PTPRD: variants seen among roughly 807,000 people sequenced by gnomAD.
The protein encoded by PTPRD is protein tyrosine phosphatase receptor type D, also known as receptor-type tyrosine-protein phosphatase delta.
PTPRD carries 34 observed loss-of-function variants against 214.5 expected under a neutral mutation model. The ratio of observed to expected loss-of-function variants is 0.16; its 90% CI spans 0.12 to 0.21. PTPRD has a LOEUF of 0.21. Ranked by LOEUF, PTPRD falls within the 10% of genes least tolerant of loss-of-function variation. The pLI is 1.00. For missense variants in PTPRD, 2,545 were observed against 2,398.7 expected (o/e 1.06, Z -1.27); for synonymous variants, 1,128 against 845.7 (o/e 1.33, Z -5.79).
Position 8,745,450 on chromosome 9 carries a change from G to T in PTPRD, c.-103-11504C>A, listed in dbSNP as rs145948595. 4.6e-3 allele frequency among the ~76,000 whole-genome samples: 700 copies of T among 152,260 alleles called. 3 individuals carry two copies. The highest frequency in any genetic ancestry group is 8.0e-3 in the Non-Finnish European group (544 of 68,026). On this transcript the variant is annotated intron_variant, in intron 11 of 45. Coordinates refer to ENST00000381196, the MANE Select transcript of PTPRD (RefSeq NM_002839.4). ...ACGAAAGGGGAAGGCAACCTTAAAG[G>T]CGGGGTATAGGAAGGCAGGATGAAA...
At chr9:9,792,609 T>G (rs544374493) in intron 5 of PTPRD, among the ~76,000 whole-genome samples, 1 of 152,166 alleles carries the variant, frequency 6.6e-6, no homozygotes, top group Admixed American at 6.5e-5. Flanking sequence ...AGATATTACA[T>G]ACATTGCTTC....
intron 10 of PTPRD, among the ~76,000 whole-genome samples, chr9:9,180,533 C>T (rs561265186): frequency 1.3e-4 from 19 of 151,562 alleles, no homozygotes; most frequent in African/African-American, 4.6e-4. Context: ...ACCAACATGG[C>T]ACATGTATAC....
At chr9:8,681,522 A>T (rs2097549027) in intron 12 of PTPRD, among the ~76,000 whole-genome samples, 1 of 152,154 alleles carries the variant, frequency 6.6e-6, no homozygotes, top group Non-Finnish European at 1.5e-5. Flanking sequence ...CCATGTCTTT[A>T]AAAGCTTTTG....
intron 7 of PTPRD, among the ~76,000 whole-genome samples, chr9:9,646,823 T>C (rs188773859): frequency 1.0e-3 from 155 of 152,038 alleles, no homozygotes; most frequent in African/African-American, 3.7e-3. Context: ...TGAACAACAA[T>C]AACTAAGAAT....
At chr9:9,545,481 T>C (rs1165754686) in intron 8 of PTPRD, among the ~76,000 whole-genome samples, 2 of 151,946 alleles carry the variant, frequency 1.3e-5, no homozygotes, top group Non-Finnish European at 2.9e-5. Context: ...TTCTATTGTT[T>C]AGATGTGCCA....
chr9:9,644,948 T>C (rs1380181750), intron 7 of PTPRD, among the ~76,000 whole-genome samples: 1 of 152,194 alleles, frequency 6.6e-6, no homozygotes. Flanking sequence ...GTAACCTGAT[T>C]CTTCCTGGAT....
At chr9:8,989,748 C>G (rs1436455638) in intron 11 of PTPRD, among the ~76,000 whole-genome samples, 1 of 152,066 alleles carries the variant, frequency 6.6e-6, no homozygotes, top group East Asian at 1.9e-4. Flanking sequence ...GCGATTCTTA[C>G]TTATGTCTTT....
At chr9:9,773,831 C>T (rs1250168835) in intron 5 of PTPRD, among the ~76,000 whole-genome samples, 1 of 152,032 alleles carries the variant, frequency 6.6e-6, no homozygotes, top group African/African-American at 2.4e-5. Context: ...GTATACTCTA[C>T]CCACAGAAAT....
chr9:8,644,756 G>A (rs1030030348), intron 12 of PTPRD, among the ~76,000 whole-genome samples: 5 of 152,182 alleles, frequency 3.3e-5, no homozygotes, highest in Non-Finnish European at 5.9e-5. Context: ...CCGTGGCAGC[G>A]GCCAACATGT....
intron 11 of PTPRD, among the ~76,000 whole-genome samples, chr9:8,821,143 G>C (rs969283663): frequency 6.6e-6 from 1 of 152,098 alleles, no homozygotes; most frequent in African/African-American, 2.4e-5. Context: ...CCTCTTGATA[G>C]GTATTTTCTT....
intron 11 of PTPRD, among the ~76,000 whole-genome samples, chr9:8,950,773 A>G (rs1384882953): frequency 6.6e-6 from 1 of 151,696 alleles, no homozygotes; most frequent in East Asian, 1.9e-4. Context: ...TGAACCTTCC[A>G]GAAATGTGAA....
intron 19 of PTPRD, among the ~76,000 whole-genome samples, chr9:8,521,996 T>A (rs1407937708): frequency 6.6e-6 from 1 of 152,206 alleles, no homozygotes; most frequent in South Asian, 2.1e-4. Context: ...CCAGTTGATG[T>A]GAATGTAGGT....
chr9:10,030,777 A>C (rs1347702076), intron 4 of PTPRD, among the ~76,000 whole-genome samples: 2 of 152,178 alleles, frequency 1.3e-5, no homozygotes, highest in African/African-American at 4.8e-5. Context: ...TTTAGTGAAG[A>C]TACAAACCAG....
At chr9:9,425,523 CA>C (rs2080516164) in intron 8 of PTPRD, among the ~76,000 whole-genome samples, 1 of 148,622 alleles carries the variant, frequency 6.7e-6, no homozygotes, top group African/African-American at 2.5e-5. Flanking sequence ...AAAGTAATGG[CA>C]AAAATCACAA....
At chr9:8,401,130 G>A (rs868502103) in intron 36 of PTPRD, among the ~76,000 whole-genome samples, 22 of 151,448 alleles carry the variant, frequency 1.5e-4, no homozygotes, top group African/African-American at 5.3e-4. Context: ...CCAAGTATTA[G>A]CTTCCATTTG....
chr9:9,453,512 C>T (rs2092555391), intron 8 of PTPRD, among the ~76,000 whole-genome samples: 1 of 151,466 alleles, frequency 6.6e-6, no homozygotes, highest in South Asian at 2.1e-4. Context: ...TCAGAAGATT[C>T]AAGGTTGCCT....
At chr9:8,548,655 A>T (rs1256593438) in intron 14 of PTPRD, among the ~76,000 whole-genome samples, 2 of 130,830 alleles carry the variant, frequency 1.5e-5, no homozygotes, top group Admixed American at 8.5e-5. Flanking sequence ...GGTGTAAGCC[A>T]TTGCACCCAG....
intron 2 of PTPRD, among the ~76,000 whole-genome samples, chr9:10,387,585 C>T (rs1440327622): frequency 6.6e-6 from 1 of 151,724 alleles, no homozygotes; most frequent in Non-Finnish European, 1.5e-5. Flanking sequence ...AGGTCTTCTC[C>T]TCTTGCTCAA....
At chr9:8,446,842 AGAG>A (rs1028923366) in intron 34 of PTPRD, among the ~76,000 whole-genome samples, 3 of 152,324 alleles carry the variant, frequency 2.0e-5, no homozygotes, top group Admixed American at 1.3e-4. Flanking sequence ...TTCGTGAAAA[AGAG>A]GAGAAGAACA....
Sources: allele counts gnomAD v4.1 joint callset (sites outside exome capture counted in the v4.1 genomes callset), GRCh38; gene constraint gnomAD v4.1.1; transcripts MANE v1.5; gene names NCBI Gene and HGNC (gene_info 2026-07-23, HGNC 2026-07-21).